The following ADARB2 variants were observed in gnomAD, a reference collection of about 807,000 sequenced individuals.
The protein encoded by ADARB2 is inactive double-stranded RNA-specific editase B2.
A neutral mutation model predicts 62.2 loss-of-function variants in ADARB2; 25 were observed. The ratio of observed to expected loss-of-function variants is 0.40; its 90% CI spans 0.29 to 0.56. The LOEUF (loss-of-function observed/expected upper bound fraction) is 0.56, where lower values mean the gene tolerates loss of function less well. ADARB2 is among the 20% of genes least tolerant of loss of function. The probability of loss-of-function intolerance (pLI) is 0.43; values close to 1 mark genes in which losing one functional copy is unlikely to be tolerated. For synonymous variants in ADARB2, 572 were observed against 500.8 expected (o/e 1.14, Z -1.90); for missense variants, 1,071 against 1,077.4 (o/e 0.99, Z 0.08).
intron 6 of ADARB2, among the ~76,000 whole-genome samples, chr10:1,218,957 G>C (rs1031842225): frequency 2.6e-5 from 4 of 151,474 alleles, no homozygotes; most frequent in African/African-American, 9.7e-5. Context: ...GGCTGAGGCA[G>C]GAGAATGGCC....
At position 1,480,337 on chromosome 10, in the gene ADARB2, A is replaced by G. The variant is rs147264986; in HGVS notation, c.101-101177T>C. Among the ~76,000 whole-genome samples the G allele has an allele frequency of 1.9e-3, 282 of 152,382 alleles. 2 individuals are homozygous for G. The highest frequency in any genetic ancestry group is 6.4e-3 in the African/African-American group (266 of 41,582). ...AATGAATTCAACAAAGTTGCAGAAT[A>G]TAAAATCAACACTTAAAATTAGTTG... On this transcript the variant is annotated intron_variant, in intron 1 of 9. Transcript: ENST00000381312.
intron 1 of ADARB2, among the ~76,000 whole-genome samples, chr10:1,579,818 T>G (rs1410968772): frequency 1.3e-5 from 2 of 152,168 alleles, no homozygotes; most frequent in Non-Finnish European, 2.9e-5. Context: ...TGGTCTGACT[T>G]CTGAGTGGTC....
At chr10:1,681,909 A>G (rs564915041) in intron 1 of ADARB2, among the ~76,000 whole-genome samples, 2 of 152,250 alleles carry the variant, frequency 1.3e-5, no homozygotes, top group South Asian at 2.1e-4. Context: ...GGGTGCATCT[A>G]TGCAGGGAGT....
At chr10:1,185,981 T>G (rs757830428) in intron 8 of ADARB2, among the ~76,000 whole-genome samples, 30 of 152,194 alleles carry the variant, frequency 2.0e-4, no homozygotes, top group Non-Finnish European at 3.8e-4. Context: ...CTGTGCTGAT[T>G]GGGGCTTCTG....
intron 6 of ADARB2, among the ~76,000 whole-genome samples, chr10:1,223,330 G>C (rs573188193): frequency 6.6e-6 from 1 of 152,202 alleles, no homozygotes; most frequent in African/African-American, 2.4e-5. Context: ...AGACGATGGG[G>C]TTTTCTAGAT....
intron 3 of ADARB2, among the ~76,000 whole-genome samples, chr10:1,289,258 C>T (rs537236116): frequency 1.3e-5 from 2 of 152,234 alleles, no homozygotes; most frequent in Non-Finnish European, 2.9e-5. Context: ...TCTTTCCAGA[C>T]TGAACCAATG....
chr10:1,476,697 C>A (rs73580346), intron 1 of ADARB2, among the ~76,000 whole-genome samples: 1 of 152,172 alleles, frequency 6.6e-6, no homozygotes, highest in East Asian at 1.9e-4. Flanking sequence ...ATCGGCCTCA[C>A]GAACTCTGAT....
At chr10:1,372,789 C>T (rs1189726692) in intron 2 of ADARB2, among the ~76,000 whole-genome samples, 1 of 152,158 alleles carries the variant, frequency 6.6e-6, no homozygotes, top group African/African-American at 2.4e-5. Flanking sequence ...AATTATTATT[C>T]TTGCCGGTCA....
intron 2 of ADARB2, among the ~76,000 whole-genome samples, chr10:1,372,382 T>A (rs528668450): frequency 6.6e-6 from 1 of 152,206 alleles, no homozygotes; most frequent in African/African-American, 2.4e-5. Context: ...GGGTAATGGG[T>A]ACACTAGCAG....
At chr10:1,333,539 T>C (rs539849331) in intron 3 of ADARB2, among the ~76,000 whole-genome samples, 6 of 152,282 alleles carry the variant, frequency 3.9e-5, no homozygotes, top group Admixed American at 3.9e-4. Context: ...CTAGAGGTAA[T>C]TTTCCTTACA....
intron 7 of ADARB2, among the ~76,000 whole-genome samples, chr10:1,206,530 C>G (rs1589151249): frequency 6.6e-6 from 1 of 152,142 alleles, no homozygotes; most frequent in Admixed American, 6.5e-5. Context: ...ACTGCGGGGT[C>G]TCCTCCTCGT....
chr10:1,243,209 C>A (rs1162981244), intron 4 of ADARB2, among the ~76,000 whole-genome samples: 1 of 152,226 alleles, frequency 6.6e-6, no homozygotes, highest in African/African-American at 2.4e-5. Context: ...TGCGGGTGCC[C>A]AGGAGCCTTG....
intron 3 of ADARB2, among the ~76,000 whole-genome samples, chr10:1,301,419 T>C (rs12570479): frequency 0.46 from 70,654 of 152,010 alleles, 17,935 homozygotes; most frequent in East Asian, 0.8. Flanking sequence ...AGAACCTAAA[T>C]AGATTATAAA....
rs1022537791 is a variant in ADARB2, at chr10:1,182,109, T to G, written c.*1084A>C. 1.3e-5 allele frequency: 2 copies of G among 152,248 alleles called. No homozygotes were observed. The highest frequency in any genetic ancestry group is 2.9e-5 in the Non-Finnish European group (2 of 68,042). The allele number at this position is 152,248 out of a possible 1,614,324, so 9.4% of individuals were successfully genotyped here. ...GTGTTGATTGGAGAATCTGAAAGAA[T>G]AGAGAGCTGGTAGCCTCTCAAGCTG... On this transcript the variant is annotated 3_prime_UTR_variant, in exon 10 of 10. Coordinates refer to ENST00000381312, the MANE Select transcript of ADARB2 (RefSeq NM_018702.4).
intron 4 of ADARB2, among the ~76,000 whole-genome samples, chr10:1,245,472 T>A (rs574014003): frequency 2.4e-3 from 371 of 152,010 alleles, no homozygotes; most frequent in Admixed American, 4.1e-3. Flanking sequence ...TATCTCCTAA[T>A]GCTATTCCTC....
At chr10:1,714,097 G>A (rs546555910) in intron 1 of ADARB2, among the ~76,000 whole-genome samples, 1 of 152,278 alleles carries the variant, frequency 6.6e-6, no homozygotes, top group South Asian at 2.1e-4. Flanking sequence ...GGACTGGATT[G>A]GTACTAAAAC....
chr10:1,233,481 C>T (rs779282958), intron 6 of ADARB2, among the ~76,000 whole-genome samples: 3 of 152,146 alleles, frequency 2.0e-5, no homozygotes, highest in Non-Finnish European at 4.4e-5. Context: ...TAATTTTAGG[C>T]CTCAGACTAC....
rs372059287 is a variant in ADARB2 at position 1,495,224 on chromosome 10, G to A, written c.101-116064C>T. 5.5e-4 allele frequency among the ~76,000 whole-genome samples: 83 copies of A among 152,260 alleles called. No homozygotes were observed. In the South Asian group the frequency reaches 9.5e-3, roughly 17 times the overall value. Reference sequence around the variant, plus strand: ...TTGCAAGAATATTTCTTCCATTAAAGCACATGGCTTTAAGAGAATTGCCAA... The same window carrying A: ...TTGCAAGAATATTTCTTCCATTAAAACACATGGCTTTAAGAGAATTGCCAA... On this transcript the variant is annotated intron_variant, in intron 1 of 9. Transcript: ENST00000381312.
intron 1 of ADARB2, among the ~76,000 whole-genome samples, chr10:1,472,498 C>T (rs1831337367): frequency 6.6e-6 from 1 of 152,156 alleles, no homozygotes; most frequent in African/African-American, 2.4e-5. Flanking sequence ...CCCAAGTGGA[C>T]ACCGGGCCAG....
Sources: allele counts gnomAD v4.1 joint callset (sites outside exome capture counted in the v4.1 genomes callset), GRCh38; gene constraint gnomAD v4.1.1; transcripts MANE v1.5; gene names NCBI Gene and HGNC (gene_info 2026-07-23, HGNC 2026-07-21).